Variants in MGAT4C observed in about 807,000 individuals in gnomAD.
The protein encoded by MGAT4C is MGAT4 family member C, also known as alpha-1,3-mannosyl-glycoprotein 4-beta-N-acetylglucosaminyltransferase C.
A neutral mutation model predicts 40.1 loss-of-function variants in MGAT4C; 19 were observed. The ratio of observed to expected loss-of-function variants is 0.47; its 90% confidence interval spans 0.33 to 0.70. The LOEUF is 0.70. Among genes scored for constraint, MGAT4C ranks in the 30% least tolerant of loss-of-function variants. MGAT4C has a pLI of 0.02. For synonymous variants in MGAT4C, 181 were observed against 187.1 expected (o/e 0.97, Z 0.27); for missense variants, 491 against 563.2 (o/e 0.87, Z 1.30).
At chr12:86,633,636 T>G (rs1963130227) in intron 2 of MGAT4C, among the ~76,000 whole-genome samples, 1 of 152,146 alleles carries the variant, frequency 6.6e-6, no homozygotes, top group South Asian at 2.1e-4. Context: ...TTTGCAGTTG[T>G]AGAAAAATGT....
chr12:86,809,747 T>C (rs1322058983), intron 1 of MGAT4C, among the ~76,000 whole-genome samples: 2 of 152,038 alleles, frequency 1.3e-5, no homozygotes, highest in African/African-American at 4.8e-5. Flanking sequence ...ATTTTTCTTT[T>C]TGTGTATTCT....
chr12:86,765,979 C>G lies in MGAT4C; in HGVS notation c.-261-38738G>C, dbSNP rs528217096. ...ATCAACTAATGAGTAAAATAACCAG[C>G]TAACATCATAATGACAGGATCAAAT... On this transcript the variant is annotated intron_variant, in intron 1 of 7. Transcript: ENST00000548651. Among the ~76,000 whole-genome samples, 570 of 152,170 alleles carry G rather than the reference C, an allele frequency of 3.7e-3. 1 individual carries two copies. The highest frequency in any genetic ancestry group is 6.4e-3 in the Non-Finnish European group (434 of 68,030).
intron 1 of MGAT4C, among the ~76,000 whole-genome samples, chr12:86,241,307 C>T (rs1159685818): frequency 6.6e-6 from 1 of 152,082 alleles, no homozygotes. Context: ...ATTTAGCATC[C>T]ATTGGTGATT....
At chr12:86,791,351 A>T (rs1313138718) in intron 1 of MGAT4C, among the ~76,000 whole-genome samples, 1 of 152,116 alleles carries the variant, frequency 6.6e-6, no homozygotes, top group African/African-American at 2.4e-5. Context: ...AAAGGACCAG[A>T]TATCATACAG....
intron 2 of MGAT4C, among the ~76,000 whole-genome samples, chr12:86,588,931 A>G (rs2136445334): frequency 6.6e-6 from 1 of 151,980 alleles, no homozygotes; most frequent in South Asian, 2.1e-4. Flanking sequence ...ATAGCACTAA[A>G]TGCCCACAAG....
intron 1 of MGAT4C, among the ~76,000 whole-genome samples, chr12:86,248,113 A>G (rs1468797844): frequency 6.6e-6 from 1 of 152,138 alleles, no homozygotes; most frequent in Non-Finnish European, 1.5e-5. Context: ...TTGATAACCA[A>G]TACCTACATG....
rs759438859 is a variant in MGAT4C at position 86,541,269 on chromosome 12, AAT to A, written c.-228-106006_-228-106005del. ...TATTAAATGCACTTTAGCTAGTGAA[AAT>A]ATGTTTTAGATATCAAAATTACTTT... is the stretch of plus-strand genomic sequence containing the variant. On this transcript the variant is annotated intron_variant, in intron 2 of 7. Transcript: ENST00000548651. 5.9e-5 allele frequency among the ~76,000 whole-genome samples: 9 copies of A among 152,306 alleles called. No homozygotes were observed. In the South Asian group the frequency reaches 1.7e-3, roughly 28 times the overall value.
intron 1 of MGAT4C, among the ~76,000 whole-genome samples, chr12:86,728,901 T>C (rs1380576985): frequency 1.3e-5 from 2 of 152,190 alleles, no homozygotes; most frequent in African/African-American, 2.4e-5. Flanking sequence ...CCTTTCGATA[T>C]CAATTCAAAT....
intron 2 of MGAT4C, among the ~76,000 whole-genome samples, chr12:86,564,810 GTT>G (rs1024186936): frequency 1.2e-4 from 19 of 152,176 alleles, no homozygotes; most frequent in Non-Finnish European, 4.4e-5. Context: ...AAGGCTGCCA[GTT>G]TTGAGTTGGG....
intron 1 of MGAT4C, among the ~76,000 whole-genome samples, chr12:86,757,094 T>C (rs1468960304): frequency 6.6e-6 from 1 of 152,068 alleles, no homozygotes; most frequent in African/African-American, 2.4e-5. Context: ...GAAACCATCA[T>C]TCTCAGCAAA....
chr12:86,800,994 G>T (rs912311736), intron 1 of MGAT4C, among the ~76,000 whole-genome samples: 4 of 151,836 alleles, frequency 2.6e-5, no homozygotes, highest in African/African-American at 9.7e-5. Flanking sequence ...TTATCACTCT[G>T]GCCTGCCTTC....
At chr12:86,834,471 T>A (rs1223734831) in intron 1 of MGAT4C, among the ~76,000 whole-genome samples, 2 of 151,384 alleles carry the variant, frequency 1.3e-5, no homozygotes, top group Admixed American at 6.6e-5. Flanking sequence ...GATGTGGTGA[T>A]GTTATGACAG....
At chr12:86,106,367 C>G (rs1876174897) in intron 1 of MGAT4C, among the ~76,000 whole-genome samples, 1 of 152,110 alleles carries the variant, frequency 6.6e-6, no homozygotes, top group Non-Finnish European at 1.5e-5. Flanking sequence ...GTGGCACAAT[C>G]CCGGCTCACT....
intron 2 of MGAT4C, among the ~76,000 whole-genome samples, chr12:86,460,063 T>C (rs1957574452): frequency 6.6e-6 from 1 of 152,070 alleles, no homozygotes; most frequent in African/African-American, 2.4e-5. Context: ...CCTAAGAACA[T>C]TTTGAGGCGT....
At chr12:86,114,809 C>CT (rs201695015) in intron 1 of MGAT4C, among the ~76,000 whole-genome samples, 13 of 151,718 alleles carry the variant, frequency 8.6e-5, no homozygotes, top group African/African-American at 1.7e-4. Flanking sequence ...TTCATCTTTC[C>CT]TTTTTTTTAT....
intron 1 of MGAT4C, among the ~76,000 whole-genome samples, chr12:86,148,100 A>T (rs577494498): frequency 2.4e-4 from 36 of 152,356 alleles, no homozygotes; most frequent in African/African-American, 8.7e-4. Flanking sequence ...CTAATTTTGA[A>T]AAGAATAATA....
intron 1 of MGAT4C, among the ~76,000 whole-genome samples, chr12:86,061,428 C>T (rs1050363271): frequency 1.3e-5 from 2 of 151,706 alleles, no homozygotes; most frequent in East Asian, 1.9e-4. Flanking sequence ...CAAAACTCGG[C>T]GGCAGTTTGG....
chr12:86,670,302 A>C (rs1025165419), intron 2 of MGAT4C, among the ~76,000 whole-genome samples: 6 of 152,160 alleles, frequency 3.9e-5, no homozygotes, highest in Admixed American at 3.9e-4. Context: ...AAATCAACAC[A>C]AAGAAAGTTT....
intron 1 of MGAT4C, among the ~76,000 whole-genome samples, chr12:86,181,674 A>G (rs961958952): frequency 3.3e-5 from 5 of 152,158 alleles, no homozygotes; most frequent in Non-Finnish European, 7.4e-5. Flanking sequence ...TGAATATCAG[A>G]GTCATCTAAA....
Sources: gnomAD v4.1 joint callset for allele counts (sites outside exome capture counted in the v4.1 genomes callset) on GRCh38, gnomAD v4.1.1 for gene constraint, MANE v1.5 for transcripts, NCBI Gene and HGNC (gene_info 2026-07-23, HGNC 2026-07-21) for gene names.